Variants in NEBL observed in about 807,000 individuals in gnomAD.
The protein encoded by NEBL is LIM and SH3 protein 2.
In NEBL, 122 loss-of-function variants were observed where a neutral mutation model predicts 140.2. The ratio of observed to expected loss-of-function variants is 0.87; its 90% CI spans 0.75 to 1.01. The LOEUF (loss-of-function observed/expected upper bound fraction) is 1.01. NEBL is among the 50% of genes least tolerant of loss of function. The pLI, the probability that NEBL is intolerant of heterozygous loss-of-function variation, is 0.00. For missense variants in NEBL, 1,365 were observed against 1,231.3 expected (o/e 1.11, Z -1.62); for synonymous variants, 436 against 398.9 (o/e 1.09, Z -1.11).
intron 2 of NEBL, among the ~76,000 whole-genome samples, chr10:21,122,868 A>G (rs2132048194): frequency 6.6e-6 from 1 of 152,300 alleles, no homozygotes. Context: ...CCCTCCTTGT[A>G]TATGCCTTTA....
chr10:21,189,557 C>T (rs987591349), intron 3 of NEBL, among the ~76,000 whole-genome samples: 8 of 152,156 alleles, frequency 5.3e-5, no homozygotes, highest in Non-Finnish European at 7.4e-5. Flanking sequence ...CTCTGCCTCC[C>T]GGGTTCCCGC....
chr10:21,253,596 T>G (rs1162858457), intron 1 of NEBL, among the ~76,000 whole-genome samples: 1 of 145,118 alleles, frequency 6.9e-6, no homozygotes, highest in African/African-American at 2.6e-5. Context: ...GAGGCTGGAG[T>G]GCAATGGCGC....
rs1840375991 is a variant in NEBL at position 20,831,189 on chromosome 10, G to A, written c.1671+7C>T. The stretch of plus-strand genomic sequence containing the variant: ...CACGATTCTGAGCATCTTCATTCAT[G>A]ACCAACCTGGCTATAGATTTCAGAT... On this transcript the variant is annotated splice_region_variant and intron_variant, in intron 16 of 27. Transcript: ENST00000377122. 6.3e-7 allele frequency: 1 copy of A among 1,597,184 alleles called. No individual in the cohort carries two copies. Among genetic ancestry groups the A allele is most frequent in the Non-Finnish European group, 8.6e-7 (1 of 1,165,124 alleles).
At chr10:21,216,438 G>A (rs759235506) in intron 3 of NEBL, among the ~76,000 whole-genome samples, 34 of 152,020 alleles carry the variant, frequency 2.2e-4, no homozygotes, top group Non-Finnish European at 3.4e-4. Context: ...GGAAGATCAC[G>A]AGGTCCGGAG....
At chr10:21,061,001 C>T (rs1835249661) in intron 2 of NEBL, among the ~76,000 whole-genome samples, 1 of 151,832 alleles carries the variant, frequency 6.6e-6, no homozygotes, top group Admixed American at 6.6e-5. Context: ...TTGTTGAAGT[C>T]CTAACACCAG....
At chr10:20,978,554 C>G (rs566614934) in intron 3 of NEBL, among the ~76,000 whole-genome samples, 26 of 151,632 alleles carry the variant, frequency 1.7e-4, no homozygotes, top group Non-Finnish European at 3.2e-4. Context: ...GCCAGGAGTT[C>G]GAGAACAGCC....
intron 1 of NEBL, among the ~76,000 whole-genome samples, chr10:21,281,881 A>G (rs566968797): frequency 1.3e-5 from 2 of 152,286 alleles, no homozygotes; most frequent in African/African-American, 4.8e-5. Flanking sequence ...CTGTATCCAT[A>G]GTTTTGCCTT....
At chr10:21,250,590 C>T (rs1385150581) in intron 2 of NEBL, among the ~76,000 whole-genome samples, 2 of 152,064 alleles carry the variant, frequency 1.3e-5, no homozygotes, top group Admixed American at 6.6e-5. Context: ...TATGACAGAG[C>T]CTCTCATATC....
At position 20,787,202 on chromosome 10, in the gene NEBL, T is replaced by C. The variant is rs779415582; in HGVS notation, c.2868A>G (p.Leu956=). ...SMRSMQHSPN[L]RTYRAMYDYS... is the part of the protein sequence containing the mutation. Reference sequence around the variant, plus strand: ...AGGAACGTATCAAATGGACACTTACTAGATTTGGTGAATGCTGCATTGATC... The same window carrying C: ...AGGAACGTATCAAATGGACACTTACCAGATTTGGTGAATGCTGCATTGATC... Residue 956 remains leucine (L), a splice_region_variant and synonymous_variant, in exon 27 of 28, where the codon CTA becomes CTG. Transcript: ENST00000377122. The C allele has an allele frequency of 4.4e-6, 7 of 1,604,586 alleles. No individual in the cohort carries two copies. The highest frequency in any genetic ancestry group is 3.3e-5 in the Admixed American group (2 of 59,720).
At chr10:20,790,497 A>G (rs961666420) in intron 26 of NEBL, among the ~76,000 whole-genome samples, 3 of 151,588 alleles carry the variant, frequency 2.0e-5, no homozygotes, top group Admixed American at 6.6e-5. Flanking sequence ...GCTACTCGGG[A>G]GGCTGAGGTA....
chr10:20,917,900 GA>G (rs1302081020), intron 4 of NEBL, among the ~76,000 whole-genome samples: 1 of 152,118 alleles, frequency 6.6e-6, no homozygotes, highest in Non-Finnish European at 1.5e-5. Flanking sequence ...TGTGTTAAAA[GA>G]AAGATGATAT....
At chr10:21,206,857 T>C (rs887703848) in intron 3 of NEBL, among the ~76,000 whole-genome samples, 1 of 152,058 alleles carries the variant, frequency 6.6e-6, no homozygotes, top group Admixed American at 6.6e-5. Flanking sequence ...TTCACTGGAA[T>C]TCAGGACCAG....
chr10:20,946,893 T>A (rs1369774657), intron 4 of NEBL, among the ~76,000 whole-genome samples: 1 of 152,136 alleles, frequency 6.6e-6, no homozygotes. Flanking sequence ...GATGGGTTTT[T>A]TTGAATCGTT....
chr10:21,220,909 G>A lies in NEBL; in HGVS notation n.348+27012C>T, dbSNP rs536650084. Among the ~76,000 whole-genome samples, 35 of 152,256 alleles carry A rather than the reference G, an allele frequency of 2.3e-4. No individual in the cohort carries two copies. In the South Asian group the frequency reaches 4.1e-3, roughly 18 times the overall value. On this transcript the variant is annotated intron_variant and non_coding_transcript_variant, in intron 3 of 8. Transcript: ENST00000675702. ...GGCGGCTCATGCCAGTAATCCCAGC[G>A]CTTTGGGAGGCCGAGGCAGGAGGAT...
intron 1 of NEBL, among the ~76,000 whole-genome samples, chr10:21,270,697 T>G (rs1458483485): frequency 1.3e-5 from 2 of 152,122 alleles, no homozygotes; most frequent in Admixed American, 6.6e-5. Flanking sequence ...GGTATATAGA[T>G]CTTATCTCAC....
chr10:21,079,656 A>T (rs1011202242), intron 2 of NEBL, among the ~76,000 whole-genome samples: 1 of 152,182 alleles, frequency 6.6e-6, no homozygotes, highest in Admixed American at 6.5e-5. Context: ...AATAAGATCT[A>T]TGGTTCTCAT....
chr10:20,924,254 A>G (rs1796512234), intron 4 of NEBL, among the ~76,000 whole-genome samples: 1 of 151,910 alleles, frequency 6.6e-6, no homozygotes, highest in African/African-American at 2.4e-5. Context: ...ACAGCCCAAG[A>G]TGTCAATAAT....
At chr10:21,166,121 G>A (rs558717594) in intron 2 of NEBL, among the ~76,000 whole-genome samples, 3 of 149,646 alleles carry the variant, frequency 2.0e-5, no homozygotes, top group South Asian at 2.2e-4. Context: ...TCCGGAGGCT[G>A]AGGCAGGAGA....
At chr10:20,870,593 G>A (rs1442875643) in intron 5 of NEBL, among the ~76,000 whole-genome samples, 2 of 152,114 alleles carry the variant, frequency 1.3e-5, no homozygotes, top group South Asian at 2.1e-4. Flanking sequence ...GATGGTGGGT[G>A]GTGAAGCTCT....
Sources: gnomAD v4.1 joint callset for allele counts (sites outside exome capture counted in the v4.1 genomes callset) on GRCh38, gnomAD v4.1.1 for gene constraint, MANE v1.5 for transcripts, NCBI Gene and HGNC (gene_info 2026-07-23, HGNC 2026-07-21) for gene names.